SRCIN1: variants seen among roughly 807,000 people sequenced by gnomAD.
SRCIN1 encodes the protein SRC kinase signaling inhibitor 1.
SRCIN1 carries 50 observed loss-of-function variants against 116.2 expected under a neutral mutation model. That is an observed-to-expected ratio of 0.43 (90% confidence interval 0.34 to 0.54). The LOEUF is 0.54. Ranked by LOEUF, SRCIN1 falls within the 20% of genes least tolerant of loss-of-function variation. The probability of loss-of-function intolerance (pLI) is 0.02; values close to 1 mark genes in which losing one functional copy is unlikely to be tolerated. For missense variants in SRCIN1, 1,446 were observed against 1,672.0 expected, an observed-to-expected ratio of 0.86 and a Z score of 2.36; for synonymous variants, 736 against 750.0, an observed-to-expected ratio of 0.98 and a Z score of 0.30.
chr17:38,578,850 T>A, intron 1 of SRCIN1, 59 bp from the exon 2 acceptor site: 1 of 1,438,662 alleles, frequency 7.0e-7, no homozygotes, highest in Non-Finnish European at 9.1e-7. Context: ...GGGCTGCCCA[T>A]CCCCCAAGGG....
At chr17:38,560,501 T>C in intron 7 of SRCIN1, 76 bp from the exon 8 acceptor site, 1 of 1,293,564 alleles carries the variant, frequency 7.7e-7, no homozygotes, top group Non-Finnish European at 1.1e-6. Context: ...ATTCCTAAGA[T>C]TGGTAACCAG....
intron 18 of SRCIN1, among the ~76,000 whole-genome samples, chr17:38,538,034 A>G (rs1904499119): frequency 6.6e-6 from 1 of 151,646 alleles, no homozygotes; most frequent in Admixed American, 6.6e-5. Context: ...CAGGAGGCAG[A>G]GGTTGCAGTG....
At chr17:38,606,691 C>A (rs984887542), upstream of SRCIN1, among the ~76,000 whole-genome samples, 1 of 152,228 alleles carries the variant, frequency 6.6e-6, no homozygotes, top group African/African-American at 2.4e-5. The surrounding 1 kb of genome is among the most constrained non-coding windows in gnomAD (Gnocchi z 5.2). Flanking sequence ...TCTACTTCAG[C>A]CCGCAGAGCA....
rs200794279 is a variant in SRCIN1 at position 38,581,717 on chromosome 17, C to T, written c.23-2926G>A. ...CTGAGTGAGACTGGGAACACTGGGG[C>T]CATCTTCCTGAGGGCCCAGTCCCTG... On this transcript the variant is annotated intron_variant, in intron 1 of 18. Coordinates refer to ENST00000617146, the MANE Select transcript of SRCIN1 (RefSeq NM_025248.3). 8.5e-5 allele frequency among the ~76,000 whole-genome samples: 13 copies of T among 152,276 alleles called. No individual in the cohort carries two copies. The East Asian group carries it at 2.5e-3, about 29-fold the overall frequency.
chr17:38,559,690 A>C lies in SRCIN1; in HGVS notation c.1920T>G (p.Gly640=), dbSNP rs111668617. The change falls in exon 10 of 19, where the codon GGT becomes GGG. Residue 640 remains glycine (G), a synonymous_variant. Transcript: ENST00000617146. ...PPPSASSTPA[G]QPTAVSRLQM... is the part of the protein sequence containing the mutation. ...GCAGCCGGCTAACGGCGGTAGGCTGACCTGCGGGGGTGCTGCTGGCCGAGG... is the reference window on the plus strand; with the variant it reads ...GCAGCCGGCTAACGGCGGTAGGCTGCCCTGCGGGGGTGCTGCTGGCCGAGG... The C allele has an allele frequency of 5.7e-3, 9,102 of 1,592,454 alleles. 421 individuals are homozygous for C. In the African/African-American group the frequency reaches 0.099, roughly 17 times the overall value.
At chr17:38,601,997 G>A (rs1402327708) in intron 1 of SRCIN1, among the ~76,000 whole-genome samples, 2 of 152,110 alleles carry the variant, frequency 1.3e-5, no homozygotes, top group African/African-American at 4.8e-5. Flanking sequence ...ATGGGAAGAC[G>A]GAAAGGCACA....
intron 18 of SRCIN1, chr17:38,543,235 G>A (rs1364216825): frequency 1.5e-5 from 7 of 456,144 alleles, no homozygotes; most frequent in Admixed American, 1.2e-4. Context: ...TTGCAAAGAC[G>A]GGAGGTGACC....
chr17:38,551,704 G>C, intron 14 of SRCIN1, 182 bp downstream of exon 14: 1 of 899,090 alleles, frequency 1.1e-6, no homozygotes, highest in Non-Finnish European at 1.7e-6. Flanking sequence ...TTTATAATAC[G>C]CTTTCTGTCT....
At chr17:38,589,781 T>C (rs111290686) in intron 1 of SRCIN1, among the ~76,000 whole-genome samples, 1,673 of 152,336 alleles carry the variant, frequency 0.011, 21 homozygotes, top group South Asian at 0.052. Context: ...CATGGGTTAA[T>C]TTCTCTGCCA....
intron 17 of SRCIN1, chr17:38,545,509 C>T (rs941305766): frequency 6.5e-6 from 1 of 152,708 alleles, no homozygotes; most frequent in Non-Finnish European, 1.5e-5. Flanking sequence ...CAACCAAACC[C>T]CAAGCTAAAA....
chr17:38,578,822 C>A, intron 1 of SRCIN1, 31 bp from the exon 2 acceptor site: 1 of 1,453,690 alleles, frequency 6.9e-7, no homozygotes, highest in Non-Finnish European at 9.0e-7. Flanking sequence ...ACGGCTGGGT[C>A]ACGGCGCGCC....
Position 38,533,313 on chromosome 17 carries a change from G to A in SRCIN1, c.3536C>T (p.Ser1179Phe), listed in dbSNP as rs1357482245. ...PVLTSFGARNSSISF is the reference protein window; with the variant it reads ...PVLTSFGARNFSISF ...GAGGGGCTTCTAGAAGGAGATGGAAGAATTCCTTGCCCCAAAGGAAGTCAA... is the reference window on the plus strand; with the variant it reads ...GAGGGGCTTCTAGAAGGAGATGGAAAAATTCCTTGCCCCAAAGGAAGTCAA... The change falls in exon 19 of 19, where the codon TCT becomes TTT. Residue 1179 changes from serine (S) to phenylalanine (F), a missense_variant. By Grantham distance (155) the Ser-to-Phe change is radical (BLOSUM62 -2). Around this residue, in one of 5 missense-constraint regions of SRCIN1, gnomAD observed 531 missense variants for 633.9 expected, o/e 0.84. Transcript: ENST00000617146. The A allele has an allele frequency of 6.4e-7, 1 of 1,571,620 alleles. No individual in the cohort carries two copies. The highest frequency in any genetic ancestry group is 8.6e-7 in the Non-Finnish European group (1 of 1,157,114).
chr17:38,561,918 G>C lies in SRCIN1; in HGVS notation c.1245C>G (p.Gly415=), dbSNP rs1208995429. The change falls in exon 7 of 19, where the codon GGC becomes GGG. Residue 415 remains glycine (G), a synonymous_variant. Coordinates refer to ENST00000617146, the MANE Select transcript of SRCIN1 (RefSeq NM_025248.3). ...CGGCGCCCGGGTAGGCGAACGGGTC[G>C]CCGGCGGCCGCGGCCAGGCTCAGAC... ...EGRLSLAAAA[G]DPFAYPGAGG... 1 of 1,446,128 alleles carries C rather than the reference G, an allele frequency of 6.9e-7. No individual in the cohort carries two copies. The highest frequency in any genetic ancestry group is 9.0e-7 in the Non-Finnish European group (1 of 1,114,294). 89.6% of individuals were successfully genotyped at this position (1,446,128 alleles called of 1,614,324 possible).
intron 11 of SRCIN1, among the ~76,000 whole-genome samples, chr17:38,557,460 G>A (rs1905881466): frequency 6.6e-6 from 1 of 152,240 alleles, no homozygotes; most frequent in African/African-American, 2.4e-5. Context: ...CACCAAGAGA[G>A]GGCCCAAAGG....
rs1905934314 is a variant in SRCIN1, at chr17:38,558,244, A to G, written c.2184T>C (p.Leu728=). 6.2e-7 allele frequency: 1 copy of G among 1,612,850 alleles called. No homozygotes were observed. Reference sequence around the variant, plus strand: ...AGCCTCACTTGAGCTGCTGGGTAATAAGCTCCTCGTCGTTGAGATAGCGCA... The same window carrying G: ...AGCCTCACTTGAGCTGCTGGGTAATGAGCTCCTCGTCGTTGAGATAGCGCA... ...ERLRYLNDEE[L]ITQQLNDLEK... Residue 728 remains leucine (L), a synonymous_variant, in exon 11 of 19, where the codon CTT becomes CTC. Coordinates refer to ENST00000617146, the MANE Select transcript of SRCIN1 (RefSeq NM_025248.3). The surrounding 1 kb of genome is among the most constrained non-coding windows in gnomAD (Gnocchi z 4.6).
intron 1 of SRCIN1, among the ~76,000 whole-genome samples, chr17:38,592,828 G>T (rs939731494): frequency 3.9e-5 from 6 of 151,962 alleles, no homozygotes; most frequent in Admixed American, 1.3e-4. Flanking sequence ...TTTTTTGTTG[G>T]GGGGGTTGGG....
chr17:38,548,485 T>C, intron 17 of SRCIN1, 72 bp downstream of exon 17: 1 of 1,579,962 alleles, frequency 6.3e-7, no homozygotes, highest in Non-Finnish European at 8.6e-7. Flanking sequence ...TCCTGTCACC[T>C]GGCCTGGGGG....
intron 14 of SRCIN1, 170 bp downstream of exon 14, chr17:38,551,716 G>A: frequency 9.8e-7 from 1 of 1,024,244 alleles, no homozygotes; most frequent in African/African-American, 1.6e-5. Context: ...TTTCTGTCTA[G>A]GAGGGCTAAT....
At chr17:38,594,761 T>A (rs1309153975) in intron 1 of SRCIN1, among the ~76,000 whole-genome samples, 1 of 151,980 alleles carries the variant, frequency 6.6e-6, no homozygotes, top group Non-Finnish European at 1.5e-5. Context: ...ATGGCTGAAG[T>A]GGGGGTTTGA....
Sources: gnomAD v4.1 joint callset for allele counts (sites outside exome capture counted in the v4.1 genomes callset) on GRCh38, gnomAD v4.1.1 for gene constraint, gnomAD v4.1.1 regional missense constraint, Gnocchi (gnomAD v3.1) non-coding constraint, MANE v1.5 for transcripts, NCBI Gene and HGNC (gene_info 2026-07-23, HGNC 2026-07-21) for gene names.